PDE7B: variants seen among roughly 807,000 people sequenced by gnomAD.
The protein encoded by PDE7B is phosphodiesterase 7B, also known as 3',5'-cyclic-AMP phosphodiesterase 7B.
A neutral mutation model predicts 56.2 loss-of-function variants in PDE7B; 29 were observed. The observed-to-expected ratio is 0.52, with a 90% confidence interval of 0.38 to 0.70. The LOEUF (loss-of-function observed/expected upper bound fraction) is 0.70. Ranked by LOEUF, PDE7B falls within the 30% of genes least tolerant of loss-of-function variation. The pLI is 0.00. For missense variants in PDE7B, 490 were observed against 565.0 expected, an observed-to-expected ratio of 0.87 and a Z score of 1.35; for synonymous variants, 197 against 196.9, an observed-to-expected ratio of 1.00 and a Z score of 0.00.
rs566023403 is a variant in PDE7B at position 136,149,288 on chromosome 6, G to T, written c.382+138G>T. ...TTTTCATAAACCTACAGCTACTGAA[G>T]AAGGACCGGGGTAAGGGAAAATCAA... On this transcript the variant is annotated intron_variant, in intron 5 of 12. Coordinates refer to ENST00000308191, the MANE Select transcript of PDE7B (RefSeq NM_018945.4). 5 of 651,218 alleles carry T rather than the reference G, an allele frequency of 7.7e-6. No homozygotes were observed. In the East Asian group the frequency reaches 1.4e-4, roughly 18 times the overall value. 40.3% of individuals were successfully genotyped at this position (651,218 alleles called of 1,614,324 possible).
At chr6:135,905,336 G>A (rs1371034714) in intron 1 of PDE7B, among the ~76,000 whole-genome samples, 5 of 112,334 alleles carry the variant, frequency 4.5e-5, no homozygotes, top group South Asian at 3.1e-4. Context: ...ACATACATGC[G>A]TGTGTGTGTG....
intron 2 of PDE7B, among the ~76,000 whole-genome samples, chr6:135,990,008 G>A (rs1775451263): frequency 6.6e-6 from 1 of 152,066 alleles, no homozygotes; most frequent in African/African-American, 2.4e-5. Flanking sequence ...TGGATAATAT[G>A]GATTATGTGG....
chr6:136,146,821 G>T (rs546326484), intron 3 of PDE7B, among the ~76,000 whole-genome samples: 19 of 152,178 alleles, frequency 1.2e-4, no homozygotes, highest in African/African-American at 4.6e-4. Context: ...TATATTTCAT[G>T]GCCTTCCAAA....
chr6:135,963,339 G>T (rs560467164), intron 2 of PDE7B, among the ~76,000 whole-genome samples: 1 of 152,244 alleles, frequency 6.6e-6, no homozygotes, highest in African/African-American at 2.4e-5. Flanking sequence ...GACCCAAAAG[G>T]CATAGTTTTG....
intron 2 of PDE7B, among the ~76,000 whole-genome samples, chr6:135,955,565 A>T (rs1172345406): frequency 2.0e-5 from 3 of 152,220 alleles, no homozygotes; most frequent in African/African-American, 7.2e-5. Flanking sequence ...AGAGCCTTAT[A>T]ATAGGACAAA....
intron 10 of PDE7B, 23 bp downstream of exon 10, chr6:136,179,164 T>C (rs1779025082): frequency 6.2e-7 from 1 of 1,610,448 alleles, no homozygotes; most frequent in Non-Finnish European, 8.5e-7. Context: ...ATAAAAGCCA[T>C]TCTTTTTGCT....
At chr6:136,008,453 G>T (rs1775827751) in intron 2 of PDE7B, among the ~76,000 whole-genome samples, 1 of 152,216 alleles carries the variant, frequency 6.6e-6, no homozygotes, top group Admixed American at 6.5e-5. Flanking sequence ...CCCACCAACA[G>T]TGTAAAAGTG....
intron 3 of PDE7B, among the ~76,000 whole-genome samples, chr6:136,137,947 A>T (rs1362673302): frequency 1.1e-4 from 16 of 152,242 alleles, no homozygotes; most frequent in East Asian, 3.9e-4. Flanking sequence ...AGTTCGGGTC[A>T]ATGCTCACAT....
chr6:135,986,223 A>T (rs1343157050), intron 2 of PDE7B, among the ~76,000 whole-genome samples: 1 of 152,190 alleles, frequency 6.6e-6, no homozygotes, highest in Non-Finnish European at 1.5e-5. Context: ...GTTTACCAAA[A>T]CATCTTTGAA....
intron 11 of PDE7B, among the ~76,000 whole-genome samples, chr6:136,183,420 C>T (rs937986133): frequency 4.6e-5 from 7 of 151,364 alleles, no homozygotes; most frequent in East Asian, 2.0e-4. Context: ...GGTGAAACCC[C>T]GTCTCTACTA....
Position 136,147,420 on chromosome 6 carries a change from TC to T in PDE7B, c.238del (p.His80MetfsTer46), listed in dbSNP as rs750670881. The T allele has an allele frequency of 1.2e-6, 2 of 1,612,906 alleles. No individual in the cohort carries two copies. The highest frequency in any genetic ancestry group is 2.7e-5 in the African/African-American group (2 of 74,880). On this transcript the variant is annotated frameshift_variant, in exon 4 of 13. Coordinates refer to ENST00000308191, the MANE Select transcript of PDE7B (RefSeq NM_018945.4). LOFTEE classifies it high-confidence loss of function. ...VKRLLSFQRY[F>X]HASRLLRGII... ...AGACTATTAAGCTTTCAAAGATACT[TC>T]CATGCATCAAGGCTGCTTCGTGGAA...
chr6:136,137,051 G>A (rs1486801109), intron 3 of PDE7B, among the ~76,000 whole-genome samples: 3 of 151,922 alleles, frequency 2.0e-5, no homozygotes, highest in African/African-American at 7.3e-5. Flanking sequence ...CTGACTTTGG[G>A]GTGTAATAGT....
chr6:136,158,582 C>T (rs1435537748), intron 8 of PDE7B, among the ~76,000 whole-genome samples: 1 of 152,154 alleles, frequency 6.6e-6, no homozygotes, highest in African/African-American at 2.4e-5. Flanking sequence ...TGCATAACAT[C>T]CAGCCTGTTA....
chr6:136,152,406 A>T (rs369682766), intron 6 of PDE7B, among the ~76,000 whole-genome samples: 1 of 152,204 alleles, frequency 6.6e-6, no homozygotes, highest in African/African-American at 2.4e-5. Flanking sequence ...GTTATTTCTA[A>T]CCATTTAAAC....
At chr6:135,949,366 T>C (rs1562449692) in intron 2 of PDE7B, among the ~76,000 whole-genome samples, 1 of 152,076 alleles carries the variant, frequency 6.6e-6, no homozygotes, top group Non-Finnish European at 1.5e-5. Flanking sequence ...GTAAGATCAA[T>C]TATCTTTCCA....
intron 9 of PDE7B, among the ~76,000 whole-genome samples, chr6:136,175,699 CA>C (rs1778966053): frequency 6.6e-6 from 1 of 152,096 alleles, no homozygotes; most frequent in African/African-American, 2.4e-5. Flanking sequence ...AGCCGTATGG[CA>C]TTATTGTATA....
chr6:135,972,873 T>C (rs996157684), intron 2 of PDE7B, among the ~76,000 whole-genome samples: 20 of 152,204 alleles, frequency 1.3e-4, no homozygotes, highest in African/African-American at 4.1e-4. Flanking sequence ...TCAGAAATAC[T>C]TTTTAAAAAA....
chr6:135,968,095 G>C (rs528833875), intron 2 of PDE7B, among the ~76,000 whole-genome samples: 10 of 152,266 alleles, frequency 6.6e-5, no homozygotes, highest in African/African-American at 1.7e-4. Flanking sequence ...GGGAGAACTG[G>C]CTAGCCATAT....
chr6:135,892,955 C>G (rs538390831), intron 1 of PDE7B, among the ~76,000 whole-genome samples: 2 of 152,250 alleles, frequency 1.3e-5, no homozygotes, highest in East Asian at 3.9e-4. Context: ...TACCCATAAT[C>G]TTGCCTCTTT....
Sources: allele counts gnomAD v4.1 joint callset (sites outside exome capture counted in the v4.1 genomes callset), GRCh38; gene constraint gnomAD v4.1.1; transcripts MANE v1.5; gene names NCBI Gene and HGNC (gene_info 2026-07-23, HGNC 2026-07-21).